Variants in LIPF observed in about 807,000 individuals in gnomAD.
LIPF encodes lipase F, gastric type.
In LIPF, 25 loss-of-function variants were observed where a neutral mutation model predicts 38.0. The ratio of observed to expected loss-of-function variants is 0.66; its 90% CI spans 0.48 to 0.92. The LOEUF is 0.92. Ranked by LOEUF, LIPF falls within the 40% of genes least tolerant of loss-of-function variation. The pLI is 0.00. For synonymous variants in LIPF, 161 were observed against 156.2 expected (o/e 1.03, Z -0.23); for missense variants, 410 against 469.9 (o/e 0.87, Z 1.18).
intron 1 of LIPF, among the ~76,000 whole-genome samples, chr10:88,665,899 G>T (rs1841506091): frequency 6.6e-6 from 1 of 151,868 alleles, no homozygotes; most frequent in Non-Finnish European, 1.5e-5. Flanking sequence ...CGCACACCCG[G>T]CTAATTTTTT....
At chr10:88,677,463 G>C (rs1301865661) in intron 9 of LIPF, among the ~76,000 whole-genome samples, 1 of 152,078 alleles carries the variant, frequency 6.6e-6, no homozygotes, top group African/African-American at 2.4e-5. Flanking sequence ...AAGAGCCAGG[G>C]CCAGCATCTA....
At chr10:88,676,330 C>T (rs896388797) in intron 9 of LIPF, 50 bp downstream of exon 9, 5 of 1,100,714 alleles carry the variant, frequency 4.5e-6, no homozygotes, top group Non-Finnish European at 6.8e-6. Context: ...ACAATACTAA[C>T]TATTTAAATG....
chr10:88,668,442 C>T, intron 3 of LIPF, 116 bp from the exon 4 acceptor site: 1 of 866,158 alleles, frequency 1.2e-6, no homozygotes, highest in Non-Finnish European at 1.8e-6. Flanking sequence ...CAAAAATAAT[C>T]AACTCAATCA....
At chr10:88,675,371 TCTC>T (rs1339554787) in intron 7 of LIPF, 2 of 469,766 alleles carry the variant, frequency 4.3e-6, no homozygotes, top group South Asian at 3.8e-5. Flanking sequence ...ACTAATAAGT[TCTC>T]CTCATTAGGC....
intron 6 of LIPF, among the ~76,000 whole-genome samples, chr10:88,673,160 C>T (rs1841630253): frequency 6.6e-6 from 1 of 152,170 alleles, no homozygotes; most frequent in Admixed American, 6.5e-5. Flanking sequence ...GCCTCATTGC[C>T]TCTGTAAAGG....
chr10:88,673,190 A>G (rs527630275), intron 6 of LIPF, among the ~76,000 whole-genome samples: 1 of 152,152 alleles, frequency 6.6e-6, no homozygotes, highest in African/African-American at 2.4e-5. Flanking sequence ...AAATATGGCC[A>G]AGTCACCATT....
chr10:88,673,041 G>T (rs1185685508), intron 6 of LIPF, among the ~76,000 whole-genome samples: 2 of 152,080 alleles, frequency 1.3e-5, no homozygotes, highest in African/African-American at 4.8e-5. Flanking sequence ...ATTAGCCCAA[G>T]ACCCTAACTC....
intron 1 of LIPF, among the ~76,000 whole-genome samples, chr10:88,664,783 T>A (rs1377496754): frequency 1.3e-5 from 2 of 152,232 alleles, no homozygotes; most frequent in Non-Finnish European, 2.9e-5. Context: ...TTTATTAAGT[T>A]CCTAATGTGA....
At chr10:88,672,517 C>A (rs1841615039) in intron 6 of LIPF, among the ~76,000 whole-genome samples, 1 of 151,932 alleles carries the variant, frequency 6.6e-6, no homozygotes, top group Non-Finnish European at 1.5e-5. Flanking sequence ...GTGTGGATTT[C>A]AATAAATTAT....
chr10:88,666,013 A>C (rs1841507989), intron 1 of LIPF, among the ~76,000 whole-genome samples: 2 of 152,178 alleles, frequency 1.3e-5, no homozygotes, highest in Non-Finnish European at 2.9e-5. Context: ...CTGGGTTTGC[A>C]GGCATGAGCT....
chr10:88,676,384 A>T, intron 9 of LIPF, 104 bp downstream of exon 9: 1 of 695,982 alleles, frequency 1.4e-6, no homozygotes, highest in South Asian at 1.9e-5. Flanking sequence ...TTTCCAAAGG[A>T]ATGTTGATGT....
chr10:88,672,157 C>CCTAT (rs1554949501), intron 6 of LIPF, among the ~76,000 whole-genome samples, 192 bp downstream of exon 6: 1 of 152,156 alleles, frequency 6.6e-6, no homozygotes, highest in Non-Finnish European at 1.5e-5. Context: ...GCGAGATCCC[C>CCTAT]CTTTCTTTCT....
At chr10:88,671,765 C>A in intron 5 of LIPF, 64 bp from the exon 6 acceptor site, 1 of 1,543,912 alleles carries the variant, frequency 6.5e-7, no homozygotes, top group African/African-American at 1.4e-5. Flanking sequence ...CTTATAAAAA[C>A]AAACAAAACA....
Position 88,678,614 on chromosome 10 carries a change from G to T in LIPF, c.1130G>T (p.Trp377Leu). The T allele has an allele frequency of 6.2e-7, 1 of 1,613,802 alleles. No individual in the cohort carries two copies. Among genetic ancestry groups the T allele is most frequent in the Non-Finnish European group, 8.5e-7 (1 of 1,179,836 alleles). Residue 377 changes from tryptophan (W) to leucine (L), a missense_variant, in exon 10 of 10, where the codon TGG (tryptophan) becomes TTG (leucine). By Grantham distance (61) the Trp-to-Leu change is moderately conservative. Coordinates refer to ENST00000238983, the MANE Select transcript of LIPF (RefSeq NM_004190.4). ...TTTTACAATCACTTGGACTTTATCT[G>T]GGCAATGGATGCCCCTCAAGAAGTT... is the stretch of plus-strand genomic sequence containing the variant. ...IPFYNHLDFIWAMDAPQEVYN... is the reference protein window; with the variant it reads ...IPFYNHLDFILAMDAPQEVYN...
rs1421221917 is a variant in LIPF, at chr10:88,678,623, A to C, written c.1139A>C (p.Asp380Ala). Residue 380 changes from aspartate to alanine, a missense_variant, in exon 10 of 10, where the codon GAT (aspartate) becomes GCT (alanine). Coordinates refer to ENST00000238983, the MANE Select transcript of LIPF (RefSeq NM_004190.4). ...YNHLDFIWAM[D>A]APQEVYNDIV... ...CACTTGGACTTTATCTGGGCAATGG[A>C]TGCCCCTCAAGAAGTTTACAATGAC... 6.2e-7 allele frequency: 1 copy of C among 1,613,630 alleles called. No individual in the cohort carries two copies. Among genetic ancestry groups the C allele is most frequent in the South Asian group, 1.1e-5 (1 of 91,068 alleles).
At chr10:88,670,866 C>A (rs1190696915) in intron 5 of LIPF, among the ~76,000 whole-genome samples, 2 of 152,086 alleles carry the variant, frequency 1.3e-5, no homozygotes, top group African/African-American at 4.8e-5. Flanking sequence ...GAGCAGAGAA[C>A]CAATTAGAGG....
At chr10:88,665,737 ATTTT>A (rs68081693) in intron 1 of LIPF, among the ~76,000 whole-genome samples, 21 of 100,240 alleles carry the variant, frequency 2.1e-4, no homozygotes, top group African/African-American at 6.6e-4. Flanking sequence ...TTAAAAACTG[ATTTT>A]TTTTTTTTTT....
intron 6 of LIPF, among the ~76,000 whole-genome samples, 169 bp downstream of exon 6, chr10:88,672,134 C>T (rs1841609464): frequency 6.6e-6 from 1 of 152,156 alleles, no homozygotes. Context: ...ATGTTTGAAT[C>T]TCCTTACAGC....
chr10:88,668,158 A>C (rs1431089952), intron 3 of LIPF, among the ~76,000 whole-genome samples: 1 of 152,172 alleles, frequency 6.6e-6, no homozygotes, highest in Non-Finnish European at 1.5e-5. Context: ...GCTAATTTTC[A>C]CTAGTACTAT....
Sources: allele counts gnomAD v4.1 joint callset (sites outside exome capture counted in the v4.1 genomes callset), GRCh38; gene constraint gnomAD v4.1.1; transcripts MANE v1.5; gene names NCBI Gene and HGNC (gene_info 2026-07-23, HGNC 2026-07-21).